The following CR1 variants were observed in gnomAD, a reference collection of about 807,000 sequenced individuals.
CR1 encodes complement C3b/C4b receptor 1 (Knops blood group).
A neutral mutation model predicts 187.3 loss-of-function variants in CR1; 116 were observed. The ratio of observed to expected loss-of-function variants is 0.62; its 90% CI spans 0.53 to 0.72. The LOEUF is 0.72. CR1 is among the 30% of genes least tolerant of loss of function. The probability of loss-of-function intolerance (pLI) is 0.00; values close to 1 mark genes in which losing one functional copy is unlikely to be tolerated. For missense variants in CR1, 1,731 were observed against 2,110.7 expected, an observed-to-expected ratio of 0.82 and a Z score of 3.52; for synonymous variants, 576 against 747.1, an observed-to-expected ratio of 0.77 and a Z score of 3.73.
At chr1:207,565,624 A>G (rs1327586926) in intron 23 of CR1, among the ~76,000 whole-genome samples, 1 of 150,210 alleles carries the variant, frequency 6.7e-6, no homozygotes, top group Non-Finnish European at 1.5e-5. Context: ...CAATTCAAGC[A>G]GGACTATCAT....
chr1:207,629,784 C>T, intron 45 of CR1, among the ~76,000 whole-genome samples: 1 of 152,152 alleles, frequency 6.6e-6, no homozygotes, highest in East Asian at 1.9e-4. Flanking sequence ...GTGTACCATA[C>T]CAAGTGAGGG....
chr1:207,619,376 C>CAAAAAAAAAA (rs67078800), intron 42 of CR1, among the ~76,000 whole-genome samples: 1 of 92,644 alleles, frequency 1.1e-5, no homozygotes, highest in African/African-American at 4.3e-5. Context: ...CAGTGAGACT[C>CAAAAAAAAAA]AAAAAAAAAA....
At chr1:207,578,274 T>C (rs914155169) in intron 29 of CR1, 71 bp downstream of exon 29, 2 of 1,611,040 alleles carry the variant, frequency 1.2e-6, no homozygotes, top group African/African-American at 2.7e-5. Flanking sequence ...AGATGAGTAT[T>C]TGTTAAGGGG....
At chr1:207,509,237 T>C (rs1417758520) in intron 3 of CR1, among the ~76,000 whole-genome samples, 1 of 152,240 alleles carries the variant, frequency 6.6e-6, no homozygotes, top group East Asian at 1.9e-4. Context: ...CTAGACATGT[T>C]CACCCACATC....
chr1:207,602,706 TAGAG>T lies in CR1; in HGVS notation c.5811-4535_5811-4532del, dbSNP rs202160706. 1.2e-3 allele frequency among the ~76,000 whole-genome samples: 186 copies of T among 151,828 alleles called. 1 individual carries two copies. Among genetic ancestry groups the T allele is most frequent in the Non-Finnish European group, 1.9e-3 (129 of 67,842 alleles). ...AGAGAGATATACATATAGATATAGA[TAGAG>T]AGAGAGAGAAGGCAAATTTATTATT... On this transcript the variant is annotated intron_variant, in intron 35 of 46. Transcript: ENST00000367049.
At chr1:207,573,417 G>A (rs1571544219) in intron 27 of CR1, among the ~76,000 whole-genome samples, 1 of 152,120 alleles carries the variant, frequency 6.6e-6, no homozygotes, top group South Asian at 2.1e-4. Context: ...AAATGCAATT[G>A]GTAAATTTCC....
At chr1:207,520,305 C>G (rs535895447) in intron 4 of CR1, among the ~76,000 whole-genome samples, 1 of 152,368 alleles carries the variant, frequency 6.6e-6, no homozygotes, top group South Asian at 2.1e-4. Context: ...ACCTACTTGA[C>G]TAGCGTCCCT....
intron 33 of CR1, 68 bp from the exon 34 acceptor site, chr1:207,587,318 A>C: frequency 7.3e-7 from 1 of 1,361,298 alleles, no homozygotes; most frequent in East Asian, 2.3e-5. Context: ...AGCTTAATTG[A>C]AGAGAAAGAG....
At chr1:207,617,982 A>T in intron 41 of CR1, 89 bp from the exon 42 acceptor site, 1 of 1,416,604 alleles carries the variant, frequency 7.1e-7, no homozygotes, top group Non-Finnish European at 9.5e-7. Context: ...TACCTCTAAT[A>T]GCCAGAGATA....
At chr1:207,609,811 C>A in intron 37 of CR1, 123 bp downstream of exon 37, 1 of 987,876 alleles carries the variant, frequency 1.0e-6, no homozygotes, top group Non-Finnish European at 1.4e-6. Context: ...AGTAGCTTCA[C>A]TGTCTGTTAT....
At chr1:207,525,677 G>A (rs560497084) in intron 5 of CR1, among the ~76,000 whole-genome samples, 1 of 152,106 alleles carries the variant, frequency 6.6e-6, no homozygotes, top group Admixed American at 6.5e-5. Context: ...ATGAACAATT[G>A]TAGTTTTAAG....
intron 35 of CR1, among the ~76,000 whole-genome samples, chr1:207,601,607 T>G (rs1190869364): frequency 6.6e-6 from 1 of 152,140 alleles, no homozygotes; most frequent in African/African-American, 2.4e-5. Context: ...AAAAAATTAT[T>G]ATTATACCAC....
intron 43 of CR1, among the ~76,000 whole-genome samples, 198 bp downstream of exon 43, chr1:207,620,263 A>C (rs548491232): frequency 8.5e-5 from 13 of 152,316 alleles, no homozygotes; most frequent in African/African-American, 3.1e-4. Context: ...TTCTCACTGC[A>C]GCTCTGCACC....
chr1:207,633,917 C>T lies in CR1; in HGVS notation c.7457+3296C>T, dbSNP rs141596511. Among the ~76,000 whole-genome samples the T allele has an allele frequency of 3.9e-5, 6 of 152,006 alleles. No homozygotes were observed. In the East Asian group the frequency reaches 7.7e-4, roughly 20 times the overall value. On this transcript the variant is annotated intron_variant, in intron 46 of 46. Transcript: ENST00000367049. The stretch of plus-strand genomic sequence containing the variant: ...GCAGGTAAAGGAAAATTACAGTCAA[C>T]GGGGCTTTGTTCTCTGGCGGGCAGA...
In CR1 at chr1:207,580,223, A is replaced by T. The variant is rs1558244304; in HGVS notation, c.4937-17A>T. 2 of 1,612,860 alleles carry T rather than the reference A, an allele frequency of 1.2e-6. No individual in the cohort carries two copies. Among genetic ancestry groups the T allele is most frequent in the Non-Finnish European group, 1.7e-6 (2 of 1,179,186 alleles). ...CCCCCATAACTAACAAGTACTCTGG[A>T]ACTGTCCTTTCCACAGTGTGTCAGC... On this transcript the variant is annotated splice_polypyrimidine_tract_variant and intron_variant, in intron 29 of 46. Coordinates refer to ENST00000367049, the MANE Select transcript of CR1 (RefSeq NM_000651.6).
intron 33 of CR1, among the ~76,000 whole-genome samples, chr1:207,586,954 C>T (rs1264318612): frequency 6.6e-6 from 1 of 152,104 alleles, no homozygotes; most frequent in Non-Finnish European, 1.5e-5. Flanking sequence ...GGGGTACCTG[C>T]TATGAAAGGC....
At chr1:207,636,411 G>A (rs970371852) in intron 46 of CR1, among the ~76,000 whole-genome samples, 4 of 150,984 alleles carry the variant, frequency 2.6e-5, no homozygotes, top group African/African-American at 9.9e-5. Flanking sequence ...CCATGTCCCA[G>A]TGATGCTCAG....
intron 35 of CR1, among the ~76,000 whole-genome samples, chr1:207,598,626 G>T (rs12094737): frequency 1.6e-3 from 241 of 152,254 alleles, no homozygotes; most frequent in African/African-American, 5.2e-3. Context: ...CACCATGTTG[G>T]CCAGGATGGT....
At chr1:207,516,109 C>T (rs1186257884) in intron 4 of CR1, among the ~76,000 whole-genome samples, 1 of 152,116 alleles carries the variant, frequency 6.6e-6, no homozygotes, top group Non-Finnish European at 1.5e-5. Flanking sequence ...GTAGTCCCAG[C>T]TACTTGGGAG....
Sources: gnomAD v4.1 joint callset for allele counts (sites outside exome capture counted in the v4.1 genomes callset) on GRCh38, gnomAD v4.1.1 for gene constraint, MANE v1.5 for transcripts, NCBI Gene and HGNC (gene_info 2026-07-23, HGNC 2026-07-21) for gene names.